The following SLCO5A1 variants were observed in gnomAD, a reference collection of about 807,000 sequenced individuals.
SLCO5A1 encodes organic anion transporter polypeptide-related protein 4.
SLCO5A1 carries 39 observed loss-of-function variants against 65.1 expected under a neutral mutation model. The ratio of observed to expected loss-of-function variants is 0.60; its 90% CI spans 0.46 to 0.78. SLCO5A1 has a LOEUF of 0.78. Among genes scored for constraint, SLCO5A1 ranks in the 30% least tolerant of loss-of-function variants. The probability of loss-of-function intolerance (pLI) is 0.00; values close to 1 mark genes in which losing one functional copy is unlikely to be tolerated. For missense variants in SLCO5A1, 1,029 were observed against 1,069.4 expected, an observed-to-expected ratio of 0.96 and a Z score of 0.53; for synonymous variants, 438 against 415.7, an observed-to-expected ratio of 1.05 and a Z score of -0.65.
At chr8:69,780,884 C>T (rs568666586) in intron 2 of SLCO5A1, among the ~76,000 whole-genome samples, 1 of 152,044 alleles carries the variant, frequency 6.6e-6, no homozygotes, top group South Asian at 2.1e-4. Flanking sequence ...AGCGGAAAAT[C>T]TCAAAATATT....
At chr8:69,831,130 G>T (rs1342552288) in intron 2 of SLCO5A1, among the ~76,000 whole-genome samples, 3 of 152,210 alleles carry the variant, frequency 2.0e-5, no homozygotes, top group Non-Finnish European at 2.9e-5. Context: ...CAGGCATGAT[G>T]GGTACCTGTG....
chr8:69,698,107 T>C (rs1049040173), intron 6 of SLCO5A1, among the ~76,000 whole-genome samples: 1 of 152,180 alleles, frequency 6.6e-6, no homozygotes, highest in African/African-American at 2.4e-5. Context: ...ACATGCGGTA[T>C]TTGGTTTTCT....
At chr8:69,821,321 T>C (rs1820628839) in intron 2 of SLCO5A1, among the ~76,000 whole-genome samples, 1 of 151,974 alleles carries the variant, frequency 6.6e-6, no homozygotes, top group South Asian at 2.1e-4. Context: ...ATCAGCCCAC[T>C]GTACTCCAGC....
chr8:69,797,296 C>T (rs1304837002), intron 2 of SLCO5A1, among the ~76,000 whole-genome samples: 3 of 152,156 alleles, frequency 2.0e-5, no homozygotes, highest in African/African-American at 4.8e-5. Flanking sequence ...CTCTTAATCC[C>T]GTCATCTTCG....
chr8:69,832,455 C>CTTCA lies in SLCO5A1; in HGVS notation c.215_218dup (p.Lys73AsnfsTer25). ...TGGGGGCCAACGGGTTCGGGCCTTG[C>CTTCA]TTCAACTCCTGGTGGCCCGAAGAAT... On this transcript the variant is annotated frameshift_variant, in exon 2 of 10. Coordinates refer to ENST00000260126, the MANE Select transcript of SLCO5A1 (RefSeq NM_030958.3). LOFTEE classifies it high-confidence loss of function. The surrounding 1 kb of genome is among the most constrained non-coding windows in gnomAD (Gnocchi z 4.5). 6.2e-7 allele frequency: 1 copy of CTTCA among 1,613,008 alleles called. No individual in the cohort carries two copies. Among genetic ancestry groups the CTTCA allele is most frequent in the Non-Finnish European group, 8.5e-7 (1 of 1,179,608 alleles).
intron 2 of SLCO5A1, among the ~76,000 whole-genome samples, chr8:69,800,673 T>C (rs916650269): frequency 1.3e-5 from 2 of 152,234 alleles, no homozygotes; most frequent in Non-Finnish European, 2.9e-5. Flanking sequence ...CAGTCTTAAA[T>C]ATCTTAGGGT....
intron 7 of SLCO5A1, among the ~76,000 whole-genome samples, chr8:69,681,093 A>G (rs1322541199): frequency 2.0e-5 from 3 of 152,208 alleles, no homozygotes; most frequent in African/African-American, 4.8e-5. Context: ...GAGTTCACCA[A>G]TTATATAATG....
chr8:69,749,910 G>A (rs1366894151), intron 4 of SLCO5A1, among the ~76,000 whole-genome samples: 2 of 152,130 alleles, frequency 1.3e-5, no homozygotes, highest in Non-Finnish European at 2.9e-5. Context: ...TTTTAACAGG[G>A]TGGCTAAGGA....
intron 2 of SLCO5A1, among the ~76,000 whole-genome samples, chr8:69,803,295 C>T (rs4590448): frequency 0.63 from 96,097 of 152,014 alleles, 31,181 homozygotes; most frequent in African/African-American, 0.79. Context: ...CATACACTTG[C>T]AATCCCAACT....
At chr8:69,722,357 G>A (rs1273980317) in intron 5 of SLCO5A1, among the ~76,000 whole-genome samples, 1 of 151,898 alleles carries the variant, frequency 6.6e-6, no homozygotes, top group Non-Finnish European at 1.5e-5. Context: ...CTATAAACAG[G>A]TATTATCTCC....
chr8:69,762,025 T>A, intron 2 of SLCO5A1, 150 bp from the exon 3 acceptor site: 1 of 918,180 alleles, frequency 1.1e-6, no homozygotes, highest in Non-Finnish European at 1.6e-6. Context: ...TGTCCATGTC[T>A]ACATCTTGGT....
chr8:69,753,889 G>A (rs563891741), intron 4 of SLCO5A1, among the ~76,000 whole-genome samples: 14 of 151,316 alleles, frequency 9.3e-5, no homozygotes, highest in Admixed American at 4.6e-4. Flanking sequence ...GTGGGCGGGC[G>A]CCTGTAATGC....
intron 2 of SLCO5A1, among the ~76,000 whole-genome samples, chr8:69,790,346 T>C (rs1015540524): frequency 1.3e-5 from 2 of 152,090 alleles, no homozygotes; most frequent in Admixed American, 6.6e-5. Flanking sequence ...TATATACACC[T>C]ACTATGTACC....
intron 6 of SLCO5A1, among the ~76,000 whole-genome samples, chr8:69,695,421 A>G (rs1017206197): frequency 1.1e-4 from 16 of 152,060 alleles, no homozygotes; most frequent in African/African-American, 3.9e-4. Flanking sequence ...GCTTGAACCC[A>G]GGGGGCGGAG....
In SLCO5A1 at chr8:69,672,891, G is replaced by A. The variant is rs763830751; in HGVS notation, c.2525C>T (p.Ala842Val). ...GCTTCAGGAGGGCGGCTCCAAGGCAGCGGGGCTCTCTTCCAGCCCCGGGTC... is the reference window on the plus strand; with the variant it reads ...GCTTCAGGAGGGCGGCTCCAAGGCAACGGGGCTCTCTTCCAGCCCCGGGTC... ...SADPGLEESP[A>V]ALEPPS is the part of the protein sequence containing the mutation. Residue 842 changes from alanine to valine, a missense_variant, in exon 10 of 10, where the codon GCT becomes GTT. By Grantham distance (64) the Ala-to-Val change is moderately conservative (BLOSUM62 0). Around this residue, in one of 3 missense-constraint regions of SLCO5A1, gnomAD observed 258 missense variants for 237.4 expected, o/e 1.09. Transcript: ENST00000260126. 6.2e-7 allele frequency: 1 copy of A among 1,612,492 alleles called. No homozygotes were observed. Among genetic ancestry groups the A allele is most frequent in the Non-Finnish European group, 8.5e-7 (1 of 1,178,620 alleles).
intron 2 of SLCO5A1, among the ~76,000 whole-genome samples, chr8:69,823,335 TAA>T (rs59660956): frequency 0.061 from 9,273 of 152,096 alleles, 433 homozygotes; most frequent in East Asian, 0.25. Context: ...GCAAATTGGA[TAA>T]AGAGTCAAGA....
intron 5 of SLCO5A1, among the ~76,000 whole-genome samples, chr8:69,706,093 C>G (rs79291319): frequency 0.11 from 16,699 of 152,128 alleles, 1,112 homozygotes; most frequent in African/African-American, 0.19. Flanking sequence ...CTTCTATACA[C>G]TCATTAAATG....
At chr8:69,812,896 C>T (rs990692443) in intron 2 of SLCO5A1, among the ~76,000 whole-genome samples, 5 of 152,126 alleles carry the variant, frequency 3.3e-5, no homozygotes, top group East Asian at 1.9e-4. Context: ...GATTTCTCTA[C>T]GAAGATTTTT....
rs543685735 is a variant in SLCO5A1, at chr8:69,671,597, C to A, written c.*1272G>T. The A allele has an allele frequency of 1.4e-4, 21 of 152,204 alleles. No homozygotes were observed. Among genetic ancestry groups the A allele is most frequent in the African/African-American group, 4.8e-4 (20 of 41,516 alleles). 9.4% of individuals were successfully genotyped at this position (152,204 alleles called of 1,614,324 possible). A position where few individuals can be genotyped will look rare whatever the true frequency, so the allele number is the denominator to read the frequency against. ...ACTGAAAAGAATGATGGGTAATGAA[C>A]CCAAAGTGCATTTAGGAACAGAAAA... On this transcript the variant is annotated 3_prime_UTR_variant, in exon 10 of 10. Coordinates refer to ENST00000260126, the MANE Select transcript of SLCO5A1 (RefSeq NM_030958.3).
Sources: gnomAD v4.1 joint callset for allele counts (sites outside exome capture counted in the v4.1 genomes callset) on GRCh38, gnomAD v4.1.1 for gene constraint, gnomAD v4.1.1 regional missense constraint, Gnocchi (gnomAD v3.1) non-coding constraint, MANE v1.5 for transcripts, NCBI Gene and HGNC (gene_info 2026-07-23, HGNC 2026-07-21) for gene names.